Variants in TESMIN observed in about 807,000 individuals in gnomAD.
The protein encoded by TESMIN is CXC domain containing 2.
Under a neutral mutation model 47.4 loss-of-function variants are expected in TESMIN, and 34 were observed. The observed-to-expected ratio is 0.72, with a 90% CI of 0.55 to 0.96. The LOEUF (loss-of-function observed/expected upper bound fraction) is 0.96, where lower values mean the gene tolerates loss of function less well. Among genes scored for constraint, TESMIN ranks in the 40% least tolerant of loss-of-function variants. The pLI, the probability that TESMIN is intolerant of heterozygous loss-of-function variation, is 0.00. For missense variants in TESMIN, 610 were observed against 637.2 expected, an observed-to-expected ratio of 0.96 and a Z score of 0.46; for synonymous variants, 278 against 258.9, an observed-to-expected ratio of 1.07 and a Z score of -0.71.
chr11:68,746,428 A>G (rs1379575711), intron 3 of TESMIN, among the ~76,000 whole-genome samples: 1 of 152,198 alleles, frequency 6.6e-6, no homozygotes, highest in Non-Finnish European at 1.5e-5. Flanking sequence ...GTTAGTGTAC[A>G]CCACAGCTAA....
intron 7 of TESMIN, among the ~76,000 whole-genome samples, chr11:68,714,849 A>C (rs940659775): frequency 3.3e-5 from 5 of 152,232 alleles, no homozygotes; most frequent in African/African-American, 1.2e-4. Flanking sequence ...AGTTTCCCGA[A>C]GTGGTTGTGC....
intron 6 of TESMIN, among the ~76,000 whole-genome samples, chr11:68,732,250 C>T (rs1946336788): frequency 6.6e-6 from 1 of 152,212 alleles, no homozygotes; most frequent in Admixed American, 6.5e-5. Flanking sequence ...CGTGATGGTA[C>T]ATTCTTTCTT....
At chr11:68,742,529 G>C in intron 4 of TESMIN, 135 bp from the exon 5 acceptor site, 2 of 540,042 alleles carry the variant, frequency 3.7e-6, no homozygotes, top group Non-Finnish European at 3.2e-6. Flanking sequence ...TGCTAGTTAC[G>C]CATTTTATTC....
At chr11:68,745,874 T>C (rs959581334) in intron 3 of TESMIN, among the ~76,000 whole-genome samples, 14 of 152,182 alleles carry the variant, frequency 9.2e-5, no homozygotes, top group African/African-American at 2.9e-4. Context: ...TGCTTCAGGC[T>C]GTGGCATGTG....
At position 68,738,703 on chromosome 11, in the gene TESMIN, G is replaced by A. The variant is rs993539334; in HGVS notation, c.914C>T (p.Ala305Val). 6.2e-7 allele frequency: 1 copy of A among 1,613,826 alleles called. No homozygotes were observed. Among genetic ancestry groups the A allele is most frequent in the African/African-American group, 1.3e-5 (1 of 74,900 alleles). The change falls in exon 6 of 10, where the codon GCT becomes GTT. Residue 305 changes from alanine (A) to valine (V), a missense_variant. Physicochemically the swap from Ala to Val is moderately conservative, Grantham distance 64. Transcript: ENST00000255087. ...ATGTATTGCTTCTAATCCTTACCCA[G>A]CCAAAGTTATTTTTGGTGGTCCTGG... ...TLPGPPKITL[A>V]GYCDCFASGD...
chr11:68,720,521 GTGTTCCA>G (rs879336006), intron 6 of TESMIN, among the ~76,000 whole-genome samples: 17 of 152,112 alleles, frequency 1.1e-4, no homozygotes, highest in Non-Finnish European at 2.4e-4. Flanking sequence ...AGACCCTACT[GTGTTCCA>G]GAACCACATC....
chr11:68,708,615 C>A (rs1380324948), intron 9 of TESMIN, 115 bp from the exon 10 acceptor site: 1 of 987,606 alleles, frequency 1.0e-6, no homozygotes, highest in African/African-American at 1.7e-5. Context: ...ACATCATCCA[C>A]TAAAATCTAA....
At chr11:68,738,124 C>A in intron 6 of TESMIN, 6 of 986,014 alleles carry the variant, frequency 6.1e-6, no homozygotes, top group Non-Finnish European at 7.2e-6. Context: ...AAACACAAGA[C>A]AGGCAAGAAA....
At chr11:68,745,349 C>T (rs1369091815) in intron 3 of TESMIN, among the ~76,000 whole-genome samples, 2 of 150,620 alleles carry the variant, frequency 1.3e-5, no homozygotes, top group South Asian at 2.1e-4. Flanking sequence ...TCCTGAGATG[C>T]GTCCAGTGTG....
chr11:68,744,943 A>G, intron 4 of TESMIN, 48 bp downstream of exon 4: 2 of 1,445,872 alleles, frequency 1.4e-6, no homozygotes, highest in Non-Finnish European at 1.9e-6. Flanking sequence ...ATATTCATTT[A>G]CCAACTTACA....
At chr11:68,740,114 G>T (rs551114691) in intron 5 of TESMIN, among the ~76,000 whole-genome samples, 10 of 152,224 alleles carry the variant, frequency 6.6e-5, no homozygotes, top group Admixed American at 2.0e-4. Context: ...GGGCTTCTCA[G>T]ACTCTGCTGT....
intron 6 of TESMIN, among the ~76,000 whole-genome samples, chr11:68,718,545 G>T (rs551058133): frequency 1.4e-4 from 21 of 152,272 alleles, no homozygotes. Context: ...CAGAAATACT[G>T]AATATTAAGA....
Position 68,708,195 on chromosome 11 carries a change from G to A in TESMIN, c.*113C>T, listed in dbSNP as rs1946018842. ...GAGTAAACTCCCTGGGCCCAGGGAT[G>A]CAGGGGAGCCTGGTTGTTGCTGCAG... On this transcript the variant is annotated 3_prime_UTR_variant, in exon 10 of 10. Coordinates refer to ENST00000255087, the MANE Select transcript of TESMIN (RefSeq NM_004923.3). The A allele has an allele frequency of 1.9e-6, 2 of 1,058,098 alleles. No homozygotes were observed. The highest frequency in any genetic ancestry group is 2.8e-6 in the Non-Finnish European group (2 of 726,350). 65.5% of individuals were successfully genotyped at this position (1,058,098 alleles called of 1,614,324 possible).
At chr11:68,739,119 C>A (rs1442234912) in intron 5 of TESMIN, among the ~76,000 whole-genome samples, 1 of 152,176 alleles carries the variant, frequency 6.6e-6, no homozygotes, top group Non-Finnish European at 1.5e-5. Flanking sequence ...TTTTTATAGA[C>A]TATCAATTAT....
intron 6 of TESMIN, chr11:68,738,075 A>C (rs1021169972): frequency 2.2e-5 from 22 of 985,684 alleles, no homozygotes; most frequent in African/African-American, 1.7e-5. Flanking sequence ...TTAACCTGAT[A>C]ATTTCAACCA....
rs1267241786 is a variant in TESMIN, at chr11:68,708,342, G to A, written c.1493C>T (p.Thr498Ile). 17 of 1,611,998 alleles carry A rather than the reference G, an allele frequency of 1.1e-5. No individual in the cohort carries two copies. Among genetic ancestry groups the A allele is most frequent in the Middle Eastern group, 1.7e-4 (1 of 6,054 alleles). The change falls in exon 10 of 10, where the codon ACT (threonine) becomes ATT (isoleucine). Residue 498 changes from threonine to isoleucine, a missense_variant. By Grantham distance (89) the Thr-to-Ile change is moderately conservative. Coordinates refer to ENST00000255087, the MANE Select transcript of TESMIN (RefSeq NM_004923.3). ...FGRCLSQILH[T>I]EFKSKGLKME Reference sequence around the variant, plus strand: ...TTTCAATCCCTTAGATTTAAACTCAGTGTGGAGAATCTGTGATAAGCACCT... The same window carrying A: ...TTTCAATCCCTTAGATTTAAACTCAATGTGGAGAATCTGTGATAAGCACCT...
At chr11:68,725,888 G>A (rs953000906) in intron 6 of TESMIN, among the ~76,000 whole-genome samples, 13 of 152,124 alleles carry the variant, frequency 8.5e-5, no homozygotes, top group African/African-American at 2.9e-4. Context: ...ATGGCTACTT[G>A]AGCTGGTAAA....
chr11:68,750,306 C>T lies in TESMIN; in HGVS notation c.355G>A (p.Ala119Thr). 4 of 1,523,054 alleles carry T rather than the reference C, an allele frequency of 2.6e-6. No homozygotes were observed. Among genetic ancestry groups the T allele is most frequent in the East Asian group, 2.4e-5 (1 of 41,292 alleles). The allele number at this position is 1,523,054 out of a possible 1,614,324, so 94.3% of individuals were successfully genotyped here. ...GAGGACAGGAAGTGCACGTTGCAGG[C>T]GGGCGGCTGCGGGGCCTGCAGGAGC... ...VALLQAPQPP[A>T]CNVHFLSSLL... The change falls in exon 2 of 10, where the codon GCC becomes ACC. Residue 119 changes from alanine to threonine, a missense_variant. Transcript: ENST00000255087.
chr11:68,746,319 G>A (rs1027849567), intron 3 of TESMIN, among the ~76,000 whole-genome samples: 1 of 152,190 alleles, frequency 6.6e-6, no homozygotes. Flanking sequence ...GTCTTGGGGA[G>A]TCGGAGAGTT....
Sources: allele counts gnomAD v4.1 joint callset (sites outside exome capture counted in the v4.1 genomes callset), GRCh38; gene constraint gnomAD v4.1.1; transcripts MANE v1.5; gene names NCBI Gene and HGNC (gene_info 2026-07-23, HGNC 2026-07-21).